The following GTF2F2 variants were observed in gnomAD, a reference collection of about 807,000 sequenced individuals.
GTF2F2 encodes general transcription factor IIF subunit 2.
Under a neutral mutation model 42.2 loss-of-function variants are expected in GTF2F2, and 23 were observed. That is an observed-to-expected ratio of 0.55 (90% CI 0.39 to 0.77). The LOEUF (loss-of-function observed/expected upper bound fraction) is 0.77. Ranked by LOEUF, GTF2F2 falls within the 30% of genes least tolerant of loss-of-function variation. The pLI, the probability that GTF2F2 is intolerant of heterozygous loss-of-function variation, is 0.00. For synonymous variants in GTF2F2, 105 were observed against 100.8 expected (o/e 1.04, Z -0.25); for missense variants, 261 against 287.2 (o/e 0.91, Z 0.66).
chr13:45,216,853 G>T (rs1873910041), intron 5 of GTF2F2, among the ~76,000 whole-genome samples: 2 of 151,930 alleles, frequency 1.3e-5, no homozygotes, highest in Non-Finnish European at 2.9e-5. Flanking sequence ...TATAGAACAG[G>T]AATTTCCTTG....
chr13:45,126,855 A>G (rs1869031937), intron 1 of GTF2F2, among the ~76,000 whole-genome samples: 1 of 152,250 alleles, frequency 6.6e-6, no homozygotes, highest in Non-Finnish European at 1.5e-5. Flanking sequence ...CCTTGAGGAA[A>G]TAATGCTGTA....
intron 6 of GTF2F2, among the ~76,000 whole-genome samples, chr13:45,259,355 G>A (rs1394702668): frequency 6.6e-6 from 1 of 152,126 alleles, no homozygotes; most frequent in East Asian, 1.9e-4. Flanking sequence ...GAACCCGGGA[G>A]GCGGAGGTTG....
chr13:45,145,410 A>G (rs1870143219), intron 2 of GTF2F2, among the ~76,000 whole-genome samples: 1 of 152,118 alleles, frequency 6.6e-6, no homozygotes. Flanking sequence ...GGTTCCTTTT[A>G]GGGGAGAATG....
chr13:45,198,374 AC>A (rs1393969991), intron 4 of GTF2F2, among the ~76,000 whole-genome samples: 1 of 152,224 alleles, frequency 6.6e-6, no homozygotes, highest in African/African-American at 2.4e-5. Context: ...GTGAAACCTT[AC>A]CAGGAGGTTA....
chr13:45,136,880 T>C (rs1593448531), intron 2 of GTF2F2, 74 bp downstream of exon 2: 1 of 823,758 alleles, frequency 1.2e-6, no homozygotes, highest in East Asian at 2.5e-5. Context: ...TAAAAGTGAT[T>C]ATAATTTCTG....
intron 5 of GTF2F2, among the ~76,000 whole-genome samples, chr13:45,212,624 G>C (rs933777162): frequency 2.0e-5 from 3 of 148,570 alleles, no homozygotes. Context: ...TAAGTGCAGT[G>C]GAGCGATCTC....
chr13:45,194,135 T>C, intron 4 of GTF2F2: 2 of 1,614,118 alleles, frequency 1.2e-6, no homozygotes, highest in Non-Finnish European at 1.7e-6. Flanking sequence ...TTATCTGTTA[T>C]TTCCAAGAAA....
rs554467634 is a variant in GTF2F2 at position 45,197,212 on chromosome 13, G to T, written c.305-10212G>T. Among the ~76,000 whole-genome samples the T allele has an allele frequency of 1.2e-4, 18 of 151,636 alleles. No homozygotes were observed. The South Asian group carries it at 3.6e-3, about 30-fold the overall frequency. On this transcript the variant is annotated intron_variant, in intron 4 of 7. Transcript: ENST00000340473. The stretch of plus-strand genomic sequence containing the variant: ...ACTTGCAGACTTAAAGAAGAAAAAT[G>T]TAGGCCGGGCATGTTGGCTTATGCC...
At chr13:45,212,323 A>G (rs1873683955) in intron 5 of GTF2F2, among the ~76,000 whole-genome samples, 5 of 152,172 alleles carry the variant, frequency 3.3e-5, no homozygotes, top group South Asian at 4.1e-4. Flanking sequence ...CATAGGCATT[A>G]TATAGTTATA....
At chr13:45,172,942 C>T (rs1188252940) in intron 4 of GTF2F2, among the ~76,000 whole-genome samples, 2 of 152,076 alleles carry the variant, frequency 1.3e-5, no homozygotes, top group African/African-American at 4.8e-5. Flanking sequence ...TTCTGAGTCC[C>T]TCAAGTTTGC....
intron 5 of GTF2F2, among the ~76,000 whole-genome samples, chr13:45,249,247 T>C (rs1317678167): frequency 6.6e-6 from 1 of 152,236 alleles, no homozygotes; most frequent in African/African-American, 2.4e-5. Flanking sequence ...ATTTAGTTCT[T>C]TGTTATATTT....
At chr13:45,281,960 A>T (rs4374066) in intron 7 of GTF2F2, among the ~76,000 whole-genome samples, 1 of 151,860 alleles carries the variant, frequency 6.6e-6, no homozygotes, top group South Asian at 2.1e-4. Flanking sequence ...GCACTTTGGG[A>T]GGCCGAAGTG....
chr13:45,157,773 GGGT>G (rs1488009888), intron 4 of GTF2F2, among the ~76,000 whole-genome samples: 2 of 151,848 alleles, frequency 1.3e-5, no homozygotes, highest in Non-Finnish European at 2.9e-5. Context: ...TGTAGAGACA[GGGT>G]TTCGCCATGT....
At chr13:45,220,508 T>C (rs150080329) in intron 5 of GTF2F2, among the ~76,000 whole-genome samples, 5 of 152,276 alleles carry the variant, frequency 3.3e-5, no homozygotes, top group Admixed American at 2.6e-4. Flanking sequence ...TTTCCATACT[T>C]ATACTACCAT....
intron 1 of GTF2F2, among the ~76,000 whole-genome samples, chr13:45,131,708 C>A (rs1246439151): frequency 4.0e-5 from 6 of 151,876 alleles, no homozygotes; most frequent in Non-Finnish European, 8.8e-5. Flanking sequence ...AAGTTTGAGA[C>A]CAGGCTAGGC....
intron 2 of GTF2F2, among the ~76,000 whole-genome samples, chr13:45,143,556 C>A (rs1270979312): frequency 6.6e-6 from 1 of 152,198 alleles, no homozygotes; most frequent in Non-Finnish European, 1.5e-5. Flanking sequence ...ATAGTAGATA[C>A]TGCATTGTGT....
intron 4 of GTF2F2, among the ~76,000 whole-genome samples, chr13:45,177,844 T>G (rs1041615765): frequency 6.6e-6 from 1 of 152,240 alleles, no homozygotes; most frequent in Non-Finnish European, 1.5e-5. Flanking sequence ...CTGTGGAGTA[T>G]TCTACTGTTA....
At chr13:45,243,691 C>T (rs1422965774) in intron 5 of GTF2F2, among the ~76,000 whole-genome samples, 1 of 152,110 alleles carries the variant, frequency 6.6e-6, no homozygotes, top group Non-Finnish European at 1.5e-5. Flanking sequence ...GACGGAGTCT[C>T]GCTTTGTCAC....
intron 1 of GTF2F2, among the ~76,000 whole-genome samples, chr13:45,121,920 C>T (rs1868657268): frequency 2.7e-5 from 4 of 148,260 alleles, no homozygotes; most frequent in African/African-American, 1.0e-4. Flanking sequence ...AGGAGATTGC[C>T]CTTACGGACT....
Sources: gnomAD v4.1 joint callset for allele counts (sites outside exome capture counted in the v4.1 genomes callset) on GRCh38, gnomAD v4.1.1 for gene constraint, MANE v1.5 for transcripts, NCBI Gene and HGNC (gene_info 2026-07-23, HGNC 2026-07-21) for gene names.